RBMS2: variants seen among roughly 807,000 people sequenced by gnomAD.
RBMS2 encodes RNA-binding motif, single-stranded-interacting protein 2.
In RBMS2, 38 loss-of-function variants were observed where a neutral mutation model predicts 58.4. That is an observed-to-expected ratio of 0.65 (90% CI 0.50 to 0.85). The LOEUF is 0.85. Ranked by LOEUF, RBMS2 falls within the 40% of genes least tolerant of loss-of-function variation. The pLI is 0.00. For synonymous variants in RBMS2, 151 were observed against 180.7 expected, an observed-to-expected ratio of 0.84 and a Z score of 1.32; for missense variants, 367 against 503.7, an observed-to-expected ratio of 0.73 and a Z score of 2.60.
chr12:56,554,033 C>T (rs1361145564), intron 1 of RBMS2, among the ~76,000 whole-genome samples: 1 of 152,076 alleles, frequency 6.6e-6, no homozygotes, highest in Non-Finnish European at 1.5e-5. Context: ...GCATGTTGGC[C>T]AGGCTGGTCT....
intron 1 of RBMS2, among the ~76,000 whole-genome samples, chr12:56,530,987 C>T (rs921714022): frequency 5.9e-5 from 9 of 152,098 alleles, no homozygotes; most frequent in African/African-American, 2.2e-4. Context: ...CTACCCATCC[C>T]TTTAAGTTCA....
chr12:56,583,121 C>T (rs1247839487), intron 9 of RBMS2, among the ~76,000 whole-genome samples: 3 of 152,144 alleles, frequency 2.0e-5, no homozygotes, highest in Non-Finnish European at 4.4e-5. Flanking sequence ...CGTTTTTTTG[C>T]TGCTATCAAT....
In RBMS2 at chr12:56,589,886, C is replaced by A. The variant is rs1302835209; in HGVS notation, c.*753C>A. On this transcript the variant is annotated 3_prime_UTR_variant, in exon 14 of 14. Coordinates refer to ENST00000262031, the MANE Select transcript of RBMS2 (RefSeq NM_002898.4). ...GTTGGGGGGCAGGCTGGGCAAGGAA[C>A]AAGGCAGAACACTAAGTAGGCCATG... The A allele has an allele frequency of 6.6e-6, 1 of 152,544 alleles. No homozygotes were observed. The highest frequency in any genetic ancestry group is 1.5e-5 in the Non-Finnish European group (1 of 68,106). 9.4% of individuals were successfully genotyped at this position (152,544 alleles called of 1,614,324 possible). A position where few individuals can be genotyped will look rare whatever the true frequency, so the allele number is the denominator to read the frequency against.
At chr12:56,563,248 C>T (rs1880758171) in intron 2 of RBMS2, among the ~76,000 whole-genome samples, 2 of 152,168 alleles carry the variant, frequency 1.3e-5, no homozygotes, top group African/African-American at 2.4e-5. Flanking sequence ...TTATTTCCAG[C>T]ACCTCCCCCA....
intron 1 of RBMS2, among the ~76,000 whole-genome samples, chr12:56,555,065 T>G (rs1310817613): frequency 1.8e-5 from 1 of 54,486 alleles, no homozygotes; most frequent in Non-Finnish European, 4.0e-5. Context: ...AAAGGATATA[T>G]ACACTTTAAA....
intron 1 of RBMS2, among the ~76,000 whole-genome samples, chr12:56,560,260 AT>A (rs34832534): frequency 0.17 from 22,721 of 132,292 alleles, 1,709 homozygotes; most frequent in Middle Eastern, 0.25. Flanking sequence ...AACCTTCATA[AT>A]TTTTTTTTTT....
At chr12:56,543,196 A>G (rs1876461668) in intron 1 of RBMS2, among the ~76,000 whole-genome samples, 1 of 146,252 alleles carries the variant, frequency 6.8e-6, no homozygotes, top group South Asian at 2.5e-4. Flanking sequence ...CAAACTGTCC[A>G]TGAAGGCCGG....
intron 1 of RBMS2, among the ~76,000 whole-genome samples, chr12:56,544,593 A>G (rs1565740055): frequency 6.6e-6 from 1 of 151,734 alleles, no homozygotes; most frequent in South Asian, 2.1e-4. Flanking sequence ...CATCCTCATC[A>G]CATTTTGTTG....
intron 2 of RBMS2, among the ~76,000 whole-genome samples, chr12:56,567,959 G>A (rs1339439766): frequency 6.6e-6 from 1 of 152,098 alleles, no homozygotes; most frequent in African/African-American, 2.4e-5. Flanking sequence ...GAGGTTCCTT[G>A]AATATAATAA....
At chr12:56,566,052 T>C (rs1222512170) in intron 2 of RBMS2, among the ~76,000 whole-genome samples, 2 of 152,124 alleles carry the variant, frequency 1.3e-5, no homozygotes, top group South Asian at 4.1e-4. Context: ...AATTTGGGAA[T>C]GAATCCAAGT....
intron 1 of RBMS2, among the ~76,000 whole-genome samples, chr12:56,537,757 T>G (rs1875188704): frequency 6.6e-6 from 1 of 152,170 alleles, no homozygotes; most frequent in Non-Finnish European, 1.5e-5. Flanking sequence ...CAAGTCTATT[T>G]TTAACTTTTT....
chr12:56,571,370 C>T (rs980071189), intron 4 of RBMS2, among the ~76,000 whole-genome samples: 10 of 152,296 alleles, frequency 6.6e-5, no homozygotes, highest in African/African-American at 2.4e-4. Flanking sequence ...AGGAGCAAGG[C>T]AGTCTGAGGG....
In RBMS2 at chr12:56,541,734, C is replaced by G. The variant is rs370068707; in HGVS notation, c.66+19645C>G. On this transcript the variant is annotated intron_variant, in intron 1 of 13. Transcript: ENST00000262031. The stretch of plus-strand genomic sequence containing the variant: ...TGCACTTCTTCGTGTGGGCACTTAC[C>G]CATGTAAAATTTGACCAGTTCAGAG... 1.1e-4 allele frequency among the ~76,000 whole-genome samples: 17 copies of G among 152,254 alleles called. 1 individual carries two copies. Among genetic ancestry groups the G allele is most frequent in the Admixed American group, 5.2e-4 (8 of 15,274 alleles).
chr12:56,547,429 G>C (rs1341645052), intron 1 of RBMS2, among the ~76,000 whole-genome samples: 2 of 152,076 alleles, frequency 1.3e-5, no homozygotes, highest in East Asian at 3.8e-4. Flanking sequence ...CAGCACTTTG[G>C]GAGGCCAAAG....
intron 1 of RBMS2, among the ~76,000 whole-genome samples, chr12:56,551,273 G>A (rs1248091104): frequency 6.6e-6 from 1 of 152,154 alleles, no homozygotes; most frequent in East Asian, 1.9e-4. Flanking sequence ...CTCATGAGGT[G>A]GAATGGCGGA....
chr12:56,580,248 T>C, intron 5 of RBMS2: 1 of 408,284 alleles, frequency 2.4e-6, no homozygotes, highest in Non-Finnish European at 4.8e-6. Flanking sequence ...TTTTTTTTTT[T>C]TTAACACAGA....
intron 3 of RBMS2, among the ~76,000 whole-genome samples, chr12:56,569,446 A>G (rs986848558): frequency 1.3e-5 from 2 of 152,156 alleles, no homozygotes; most frequent in Non-Finnish European, 2.9e-5. Context: ...TAGAGCTGGA[A>G]GAGTGGAAGG....
At chr12:56,546,355 ATG>A in intron 1 of RBMS2, among the ~76,000 whole-genome samples, 5 of 139,640 alleles carry the variant, frequency 3.6e-5, no homozygotes, top group African/African-American at 1.1e-4. Flanking sequence ...TATAAATATA[ATG>A]TACAATATAT....
At chr12:56,550,211 C>T (rs1877998200) in intron 1 of RBMS2, among the ~76,000 whole-genome samples, 1 of 152,114 alleles carries the variant, frequency 6.6e-6, no homozygotes, top group African/African-American at 2.4e-5. Flanking sequence ...GCTGAATTGT[C>T]AGTTCTCCAG....
Sources: allele counts gnomAD v4.1 joint callset (sites outside exome capture counted in the v4.1 genomes callset), GRCh38; gene constraint gnomAD v4.1.1; transcripts MANE v1.5; gene names NCBI Gene and HGNC (gene_info 2026-07-23, HGNC 2026-07-21).